Variants in LINC00632 observed in about 807,000 individuals in gnomAD.
LINC00632 encodes ALDOA related specific transcript.
intron 3 of LINC00632, among the ~76,000 whole-genome samples, chrX:140,769,600 G>A (rs981344063): frequency 2.7e-5 from 3 of 110,400 alleles, no homozygotes; most frequent in South Asian, 7.8e-4. Context: ...AAACCCTTTC[G>A]TTAATATCAA....
At chrX:140,730,032 G>A (rs367763682) in intron 2 of LINC00632, among the ~76,000 whole-genome samples, 13 of 109,172 alleles carry the variant, frequency 1.2e-4, no homozygotes, top group African/African-American at 3.3e-4. Flanking sequence ...GCACGCCACC[G>A]TGCCCAACTA....
At chrX:140,775,023 A>G (rs752939034) in exon 5 of LINC00632, among the ~76,000 whole-genome samples, 1 of 112,062 alleles carries the variant, frequency 8.9e-6, no homozygotes, top group East Asian at 2.8e-4. Flanking sequence ...CAGCAATTGT[A>G]TATGTTAGCT....
At chrX:140,713,900 C>G in intron 2 of LINC00632, 1 of 276,649 alleles carries the variant, frequency 3.6e-6, no homozygotes, top group African/African-American at 2.8e-5. Flanking sequence ...TCCCACATCA[C>G]ACGAACCCAT....
exon 5 of LINC00632, among the ~76,000 whole-genome samples, chrX:140,774,666 T>C (rs1201194853): frequency 8.9e-6 from 1 of 112,065 alleles, no homozygotes; most frequent in African/African-American, 3.2e-5. Context: ...ATCATCTTCA[T>C]CTTGAGATCA....
rs150387772 is a variant in LINC00632 at position 140,745,826 on chromosome X, C to T, written n.191+11862C>T. On this transcript the variant is annotated intron_variant and non_coding_transcript_variant, in intron 3 of 4. Coordinates refer to ENST00000648200, the Ensembl canonical transcript of LINC00632. ...GTTTATCCACTGGTCATTTCATATG[C>T]TGCCTGGGACCAGGCCCAAGAAAAT... 9.8e-3 allele frequency among the ~76,000 whole-genome samples: 1,104 copies of T among 112,146 alleles called. 4 individuals carry two copies. The highest frequency in any genetic ancestry group is 0.015 in the Non-Finnish European group (809 of 53,220).
chrX:140,734,196 G>A (rs1219248438), intron 3 of LINC00632, among the ~76,000 whole-genome samples: 2 of 112,157 alleles, frequency 1.8e-5, no homozygotes, highest in Non-Finnish European at 3.8e-5. Context: ...TTCTATAGCA[G>A]TGATCTTTGT....
exon 5 of LINC00632, among the ~76,000 whole-genome samples, chrX:140,781,873 G>A (rs1041027513): frequency 8.9e-6 from 1 of 111,754 alleles, no homozygotes; most frequent in Non-Finnish European, 1.9e-5. Context: ...CAGAGACAAT[G>A]TAACCTGTAA....
intron 3 of LINC00632, among the ~76,000 whole-genome samples, chrX:140,770,493 C>A (rs745811040): frequency 3.6e-5 from 4 of 112,002 alleles, no homozygotes; most frequent in African/African-American, 1.3e-4. Flanking sequence ...GCCAAGATCA[C>A]GCCACTGCAC....
intron 3 of LINC00632, chrX:140,734,087 G>A (rs1353398092): frequency 8.9e-6 from 1 of 112,318 alleles, no homozygotes; most frequent in African/African-American, 3.2e-5. Flanking sequence ...TGCTACATAT[G>A]TAGAAATTTT....
At chrX:140,759,330 TTCCTTCCTTCCTTCC>T (rs1931558250) in intron 3 of LINC00632, among the ~76,000 whole-genome samples, 1 of 62,259 alleles carries the variant, frequency 1.6e-5, no homozygotes, top group African/African-American at 4.7e-5. Flanking sequence ...CCTTCCTTCC[TTCCTTCCTTCCTTCC>T]TTTCTTTCTT....
chrX:140,713,251 A>G (rs1930555202), intron 2 of LINC00632, among the ~76,000 whole-genome samples: 1 of 109,139 alleles, frequency 9.2e-6, no homozygotes, highest in Non-Finnish European at 1.9e-5. Context: ...ACTGCTCTCT[A>G]TATGCTCACC....
chrX:140,728,108 C>T (rs186968881), intron 2 of LINC00632, among the ~76,000 whole-genome samples: 16 of 110,301 alleles, frequency 1.5e-4, no homozygotes, highest in East Asian at 2.9e-4. Flanking sequence ...GGCATGGTGG[C>T]GCATGCCTGT....
chrX:140,719,374 C>T (rs1330931741), intron 2 of LINC00632, among the ~76,000 whole-genome samples: 1 of 110,410 alleles, frequency 9.1e-6, no homozygotes, highest in Non-Finnish European at 1.9e-5. Flanking sequence ...TCTCAGATCA[C>T]TGCGACCTCT....
intron 3 of LINC00632, among the ~76,000 whole-genome samples, chrX:140,771,681 A>T (rs368525551): frequency 0.46 from 26,791 of 57,830 alleles, 5,169 homozygotes; most frequent in South Asian, 0.59. Flanking sequence ...ATATATATAT[A>T]TATATTTTTT....
At chrX:140,715,349 C>T (rs1220207240) in intron 2 of LINC00632, among the ~76,000 whole-genome samples, 4 of 111,925 alleles carry the variant, frequency 3.6e-5, no homozygotes, top group Non-Finnish European at 7.5e-5. Context: ...AATCCCAGCA[C>T]TTTGGGAGTC....
intron 2 of LINC00632, among the ~76,000 whole-genome samples, chrX:140,717,285 C>T (rs775479938): frequency 2.6e-4 from 29 of 110,381 alleles, no homozygotes; most frequent in Non-Finnish European, 5.1e-4. Context: ...CTGGCCACAA[C>T]GCATTTTACA....
chrX:140,724,887 T>C, intron 2 of LINC00632, among the ~76,000 whole-genome samples: 2 of 67,837 alleles, frequency 2.9e-5, no homozygotes, highest in Non-Finnish European at 5.6e-5. Flanking sequence ...ACACACACAT[T>C]CCATACACAC....
chrX:140,765,839 A>C (rs1406620705), intron 3 of LINC00632, among the ~76,000 whole-genome samples: 1 of 111,782 alleles, frequency 8.9e-6, no homozygotes, highest in Non-Finnish European at 1.9e-5. Context: ...TAGGGGATGG[A>C]CTGGTTTTAT....
chrX:140,766,865 C>A (rs59262713), intron 3 of LINC00632, among the ~76,000 whole-genome samples: 15,449 of 110,859 alleles, frequency 0.14, 1,349 homozygotes, highest in African/African-American at 0.32. Flanking sequence ...TATTTCTTAC[C>A]GTTTTGATAG....
Sources: allele counts gnomAD v4.1 joint callset (sites outside exome capture counted in the v4.1 genomes callset), GRCh38; gene constraint gnomAD v4.1.1; transcripts MANE v1.5; gene names NCBI Gene and HGNC (gene_info 2026-07-23, HGNC 2026-07-21).